The following TSHR variants were observed in gnomAD, a reference collection of about 807,000 sequenced individuals.
TSHR encodes thyrotropin receptor.
TSHR carries 51 observed loss-of-function variants against 64.1 expected under a neutral mutation model. That is an observed-to-expected ratio of 0.80 (90% CI 0.64 to 1.01). TSHR has a LOEUF of 1.01. Among genes scored for constraint, TSHR ranks in the 50% least tolerant of loss-of-function variants. The pLI, the probability that TSHR is intolerant of heterozygous loss-of-function variation, is 0.00. For missense variants in TSHR, 877 were observed against 942.8 expected, an observed-to-expected ratio of 0.93 and a Z score of 0.91; for synonymous variants, 361 against 361.9, an observed-to-expected ratio of 1.00 and a Z score of 0.03.
At chr14:81,134,723 G>A (rs1330050212) in intron 8 of TSHR, among the ~76,000 whole-genome samples, 3 of 152,140 alleles carry the variant, frequency 2.0e-5, no homozygotes, top group Non-Finnish European at 4.4e-5. Flanking sequence ...TGGACCAGGA[G>A]GTGCCTTTTC....
chr14:80,995,155 T>C (rs1888943838), intron 1 of TSHR: 2 of 152,066 alleles, frequency 1.3e-5, no homozygotes, highest in African/African-American at 4.8e-5. Context: ...GAAATGCAAA[T>C]CAAAACCACA....
In TSHR at chr14:81,061,811, T is replaced by G. The variant is rs557490910; in HGVS notation, c.171-337T>G. Among the ~76,000 whole-genome samples, 20 of 152,178 alleles carry G rather than the reference T, an allele frequency of 1.3e-4. No individual in the cohort carries two copies. The South Asian group carries it at 4.1e-3, about 32-fold the overall frequency. Reference sequence around the variant, plus strand: ...AAATTAAAAGGTAAAATAATCATGTTTTTTCAATTTAATAAAAAGACCCCC... The same window carrying G: ...AAATTAAAAGGTAAAATAATCATGTGTTTTCAATTTAATAAAAAGACCCCC... On this transcript the variant is annotated intron_variant, in intron 1 of 9. Transcript: ENST00000298171.
chr14:80,970,995 C>T (rs996479891), intron 1 of TSHR, among the ~76,000 whole-genome samples: 16 of 152,084 alleles, frequency 1.1e-4, no homozygotes, highest in African/African-American at 3.6e-4. Flanking sequence ...CCACTACTGC[C>T]CGGCTAATTT....
At chr14:80,984,779 G>A (rs1481319077) in intron 1 of TSHR, among the ~76,000 whole-genome samples, 1 of 152,254 alleles carries the variant, frequency 6.6e-6, no homozygotes, top group Non-Finnish European at 1.5e-5. Flanking sequence ...TTATCTGGCA[G>A]TGTCAGAAAA....
intron 8 of TSHR, among the ~76,000 whole-genome samples, chr14:81,131,055 T>C (rs995738704): frequency 6.7e-6 from 1 of 149,738 alleles, no homozygotes; most frequent in Non-Finnish European, 1.5e-5. Context: ...GGATGTCTAA[T>C]AGGCATCTCA....
Position 81,064,440 on chromosome 14 carries a change from G to A in TSHR, c.242+2221G>A, listed in dbSNP as rs145114045. On this transcript the variant is annotated intron_variant, in intron 2 of 9. Coordinates refer to ENST00000298171, the MANE Select transcript of TSHR (RefSeq NM_000369.5). The stretch of plus-strand genomic sequence containing the variant: ...ATTTGGGGCATATGGCATTTGAGGT[G>A]CAGTTATATTGAGTACACATCAGGA... Among the ~76,000 whole-genome samples, 125 of 152,186 alleles carry A rather than the reference G, an allele frequency of 8.2e-4. 1 individual carries two copies. Among genetic ancestry groups the A allele is most frequent in the African/African-American group, 2.9e-3 (122 of 41,524 alleles).
chr14:81,072,376 T>C (rs1332874450), intron 3 of TSHR, among the ~76,000 whole-genome samples: 2 of 152,168 alleles, frequency 1.3e-5, no homozygotes, highest in African/African-American at 4.8e-5. Context: ...TAAAGGTCTT[T>C]GAATTATCTG....
At chr14:80,999,367 T>C (rs187796885) in intron 1 of TSHR, among the ~76,000 whole-genome samples, 5 of 152,348 alleles carry the variant, frequency 3.3e-5, no homozygotes, top group Non-Finnish European at 5.9e-5. Flanking sequence ...CTAACAAGTC[T>C]TTTCTCTTCT....
At chr14:81,133,994 G>A (rs114537567) in intron 8 of TSHR, among the ~76,000 whole-genome samples, 188 of 152,278 alleles carry the variant, frequency 1.2e-3, no homozygotes, top group African/African-American at 4.3e-3. Context: ...GGAAACTGCA[G>A]CACACAAAGT....
At chr14:81,140,458 G>C (rs900880463) in intron 9 of TSHR, among the ~76,000 whole-genome samples, 8 of 152,124 alleles carry the variant, frequency 5.3e-5, no homozygotes, top group Admixed American at 3.3e-4. Flanking sequence ...GTTTTGAGAA[G>C]ATTAAATGAG....
intron 1 of TSHR, among the ~76,000 whole-genome samples, chr14:80,990,208 G>A (rs1048120414): frequency 6.6e-5 from 10 of 152,222 alleles, no homozygotes; most frequent in African/African-American, 2.2e-4. Flanking sequence ...GAAGGGCTAA[G>A]GGACAATGCA....
At chr14:80,971,313 G>A (rs1015380817) in intron 1 of TSHR, among the ~76,000 whole-genome samples, 19 of 152,142 alleles carry the variant, frequency 1.2e-4, no homozygotes, top group African/African-American at 3.6e-4. Context: ...GATGATGTGC[G>A]TGATGTCCAG....
At chr14:80,993,043 C>G (rs1338838658) in intron 1 of TSHR, 6 of 152,060 alleles carry the variant, frequency 3.9e-5, no homozygotes, top group African/African-American at 7.2e-5. Context: ...TATACCAAAA[C>G]GAGTTAAAAG....
intron 1 of TSHR, among the ~76,000 whole-genome samples, chr14:81,034,185 T>A (rs551660291): frequency 6.6e-6 from 1 of 152,394 alleles, no homozygotes; most frequent in South Asian, 2.1e-4. Flanking sequence ...GGTCATGCTC[T>A]AGCCTTGGTC....
In TSHR at chr14:81,142,901, C is replaced by T. The variant is rs202155085; in HGVS notation, c.882-39C>T. ...CTGGGATTACAGTCATGAGCCACTG[C>T]GCCCAGCCTGGCACTGACTCTTTTC... On this transcript the variant is annotated intron_variant, in intron 9 of 9. Transcript: ENST00000298171. The T allele has an allele frequency of 2.2e-4, 346 of 1,590,784 alleles. 1 individual carries two copies. The African/African-American group carries it at 3.7e-3, about 17-fold the overall frequency.
At chr14:81,050,422 G>T (rs985991656) in intron 1 of TSHR, 2 of 152,104 alleles carry the variant, frequency 1.3e-5, no homozygotes, top group Non-Finnish European at 2.9e-5. Flanking sequence ...ATATTTCATG[G>T]TTCCCTAAAA....
Position 81,037,420 on chromosome 14 carries a change from AAAAC to A in TSHR, c.171-24704_171-24701del, listed in dbSNP as rs370208073. ...AGGGAAAAAGGAACAAAGGAAATACAAAACAAACAAACAAACAAACAAACAAAAA... is the reference window on the plus strand; with the variant it reads ...AGGGAAAAAGGAACAAAGGAAATACAAAACAAACAAACAAACAAACAAAAA... On this transcript the variant is annotated intron_variant, in intron 1 of 9. Coordinates refer to ENST00000298171, the MANE Select transcript of TSHR (RefSeq NM_000369.5). 1.6e-3 allele frequency among the ~76,000 whole-genome samples: 229 copies of A among 140,784 alleles called. 11 individuals carry two copies. The highest frequency in any genetic ancestry group is 4.7e-3 in the African/African-American group (172 of 36,680). 92.4% of individuals were successfully genotyped at this position (140,784 alleles called of 152,430 possible).
chr14:81,134,238 C>A, intron 8 of TSHR, among the ~76,000 whole-genome samples: 1 of 152,154 alleles, frequency 6.6e-6, no homozygotes, highest in Non-Finnish European at 1.5e-5. Flanking sequence ...CGGGTTCAAG[C>A]GATTTTCTCC....
intron 2 of TSHR, among the ~76,000 whole-genome samples, chr14:81,066,753 G>A (rs1230152195): frequency 6.6e-6 from 1 of 152,038 alleles, no homozygotes; most frequent in Non-Finnish European, 1.5e-5. Context: ...ATCCTAGACC[G>A]GGTCTTGGAC....
Sources: allele counts gnomAD v4.1 joint callset (sites outside exome capture counted in the v4.1 genomes callset), GRCh38; gene constraint gnomAD v4.1.1; transcripts MANE v1.5; gene names NCBI Gene and HGNC (gene_info 2026-07-23, HGNC 2026-07-21).